Variants in CDH13 observed in about 807,000 individuals in gnomAD.
CDH13 encodes cadherin-13.
In CDH13, 24 loss-of-function variants were observed where a neutral mutation model predicts 63.8. That is an observed-to-expected ratio of 0.38 (90% CI 0.27 to 0.53). The LOEUF (loss-of-function observed/expected upper bound fraction) is 0.53, where lower values mean the gene tolerates loss of function less well. Among genes scored for constraint, CDH13 ranks in the 20% least tolerant of loss-of-function variants. The probability of loss-of-function intolerance (pLI) is 0.85; values close to 1 mark genes in which losing one functional copy is unlikely to be tolerated. For missense variants in CDH13, 1,049 were observed against 903.1 expected (o/e 1.16, Z -2.07); for synonymous variants, 503 against 355.3 (o/e 1.42, Z -4.67).
At chr16:83,468,692 C>T (rs80293418) in intron 6 of CDH13, among the ~76,000 whole-genome samples, 7 of 152,232 alleles carry the variant, frequency 4.6e-5, no homozygotes, top group Admixed American at 1.3e-4. Flanking sequence ...CTCTTTTCAC[C>T]GCCTCTCCTT....
At chr16:83,140,945 C>T (rs923903897) in intron 4 of CDH13, among the ~76,000 whole-genome samples, 3 of 152,204 alleles carry the variant, frequency 2.0e-5, no homozygotes, top group African/African-American at 7.2e-5. Context: ...GACCAGTTAT[C>T]TTGGTCTATT....
At chr16:82,750,003 G>T (rs1380476235) in intron 1 of CDH13, among the ~76,000 whole-genome samples, 2 of 152,056 alleles carry the variant, frequency 1.3e-5, no homozygotes, top group African/African-American at 2.4e-5. Context: ...TCCTGGGTGG[G>T]GCCAAAGATC....
intron 2 of CDH13, among the ~76,000 whole-genome samples, chr16:82,916,571 C>G (rs1335049929): frequency 2.3e-5 from 3 of 133,276 alleles, no homozygotes; most frequent in Non-Finnish European, 3.5e-5. Context: ...GAGACTCTGT[C>G]TCAAAAAAAA....
chr16:83,797,791 C>A lies in CDH13; in HGVS notation c.*2761C>A, dbSNP rs538956053. ...ATTTCCACTGAGCAAATAGTCACACCTTCACTTCTTTTTATTAATACTCAA... is the reference window on the plus strand; with the variant it reads ...ATTTCCACTGAGCAAATAGTCACACATTCACTTCTTTTTATTAATACTCAA... On this transcript the variant is annotated 3_prime_UTR_variant, in exon 14 of 14. Transcript: ENST00000567109. 1.3e-5 allele frequency: 2 copies of A among 152,160 alleles called. No individual in the cohort carries two copies. The highest frequency in any genetic ancestry group is 2.9e-5 in the Non-Finnish European group (2 of 68,036). The allele number at this position is 152,160 out of a possible 1,614,324, so 9.4% of individuals were successfully genotyped here. A position where few individuals can be genotyped will look rare whatever the true frequency, so the allele number is the denominator to read the frequency against.
chr16:82,919,431 G>T (rs2042088633), intron 2 of CDH13, among the ~76,000 whole-genome samples: 1 of 152,052 alleles, frequency 6.6e-6, no homozygotes, highest in African/African-American at 2.4e-5. Context: ...TCATCATTTA[G>T]CTCCAACTTA....
At chr16:83,595,741 G>A (rs1182794417) in intron 7 of CDH13, among the ~76,000 whole-genome samples, 4 of 152,206 alleles carry the variant, frequency 2.6e-5, no homozygotes, top group African/African-American at 9.7e-5. Context: ...CCATTTGACT[G>A]CAAGGACGCC....
chr16:83,707,313 C>T (rs1907229511), intron 10 of CDH13, among the ~76,000 whole-genome samples: 2 of 152,074 alleles, frequency 1.3e-5, no homozygotes. Context: ...TCCTTGAATT[C>T]CTCCATTCTA....
At chr16:82,733,315 C>A (rs905901423) in intron 1 of CDH13, among the ~76,000 whole-genome samples, 2 of 152,102 alleles carry the variant, frequency 1.3e-5, no homozygotes, top group Non-Finnish European at 2.9e-5. Flanking sequence ...AGTGAGTTGT[C>A]CATAAATAGT....
At chr16:82,987,173 GGT>G (rs1162248939) in intron 2 of CDH13, among the ~76,000 whole-genome samples, 1 of 152,036 alleles carries the variant, frequency 6.6e-6, no homozygotes, top group African/African-American at 2.4e-5. Context: ...CCTCCTCTGT[GGT>G]CTTCAATATT....
intron 10 of CDH13, among the ~76,000 whole-genome samples, chr16:83,695,376 C>T (rs1905274954): frequency 6.6e-6 from 1 of 152,216 alleles, no homozygotes; most frequent in Non-Finnish European, 1.5e-5. Context: ...CTTCTGTAAA[C>T]TTAAATAGGA....
chr16:83,106,600 A>G (rs6565125), intron 3 of CDH13, among the ~76,000 whole-genome samples: 1 of 152,114 alleles, frequency 6.6e-6, no homozygotes, highest in Non-Finnish European at 1.5e-5. Flanking sequence ...GGAATGATTT[A>G]ATACATGTTG....
At chr16:83,428,248 GAAACACAGGAA>G (rs1265288892) in intron 6 of CDH13, among the ~76,000 whole-genome samples, 1 of 152,122 alleles carries the variant, frequency 6.6e-6, no homozygotes, top group Non-Finnish European at 1.5e-5. Context: ...CAATGACTGA[GAAACACAGGAA>G]AAACAGCAGG....
chr16:83,339,301 G>A (rs1316822479), intron 5 of CDH13, among the ~76,000 whole-genome samples: 1 of 152,152 alleles, frequency 6.6e-6, no homozygotes, highest in Non-Finnish European at 1.5e-5. Context: ...TGATAAACAT[G>A]CAACTGTATT....
chr16:83,714,353 A>G (rs906613421), intron 10 of CDH13, among the ~76,000 whole-genome samples: 1 of 152,234 alleles, frequency 6.6e-6, no homozygotes, highest in Non-Finnish European at 1.5e-5. Context: ...GCTCTCGGTC[A>G]TAGATAGCTG....
intron 10 of CDH13, among the ~76,000 whole-genome samples, chr16:83,715,543 C>G (rs1050395782): frequency 1.3e-5 from 2 of 152,338 alleles, no homozygotes; most frequent in Middle Eastern, 3.4e-3. Flanking sequence ...TTTTCCAATA[C>G]TATCCTGTGT....
At chr16:82,813,348 C>A (rs1051448682) in intron 1 of CDH13, among the ~76,000 whole-genome samples, 1 of 152,142 alleles carries the variant, frequency 6.6e-6, no homozygotes, top group Non-Finnish European at 1.5e-5. Flanking sequence ...ACTGCAGTAT[C>A]TCTGCAGCTG....
chr16:83,586,622 A>G (rs1035451682), intron 7 of CDH13, among the ~76,000 whole-genome samples: 2 of 152,184 alleles, frequency 1.3e-5, no homozygotes, highest in African/African-American at 4.8e-5. Context: ...AGCCAATACA[A>G]TTTCAAGAAC....
chr16:83,370,452 A>G (rs2091345245), intron 6 of CDH13, among the ~76,000 whole-genome samples: 1 of 148,652 alleles, frequency 6.7e-6, no homozygotes, highest in South Asian at 2.1e-4. Context: ...CTTTACCTGT[A>G]CCTTTATTGA....
At chr16:82,827,485 G>T (rs558797085) in intron 1 of CDH13, among the ~76,000 whole-genome samples, 2 of 152,284 alleles carry the variant, frequency 1.3e-5, no homozygotes, top group South Asian at 4.2e-4. Context: ...AGGCAGTGAT[G>T]ATGTGAGTCT....
Sources: gnomAD v4.1 joint callset for allele counts (sites outside exome capture counted in the v4.1 genomes callset) on GRCh38, gnomAD v4.1.1 for gene constraint, MANE v1.5 for transcripts, NCBI Gene and HGNC (gene_info 2026-07-23, HGNC 2026-07-21) for gene names.